EPB41L1: variants seen among roughly 807,000 people sequenced by gnomAD.
EPB41L1 encodes erythrocyte membrane protein band 4.1 like 1.
In EPB41L1, 29 loss-of-function variants were observed where a neutral mutation model predicts 97.8. The ratio of observed to expected loss-of-function variants is 0.30; its 90% CI spans 0.22 to 0.40. EPB41L1 has a LOEUF of 0.40. Among genes scored for constraint, EPB41L1 ranks in the 10% least tolerant of loss-of-function variants. The pLI is 1.00. For synonymous variants in EPB41L1, 383 were observed against 459.2 expected, an observed-to-expected ratio of 0.83 and a Z score of 2.12; for missense variants, 812 against 1,162.3, an observed-to-expected ratio of 0.70 and a Z score of 4.38.
chr20:36,134,314 T>C (rs1168180575), intron 2 of EPB41L1, among the ~76,000 whole-genome samples: 1 of 152,260 alleles, frequency 6.6e-6, no homozygotes, highest in Middle Eastern at 3.2e-3. Flanking sequence ...CCCGAGGTTG[T>C]GTTCTAGCTT....
In EPB41L1 at chr20:36,205,844, C is replaced by CA. The variant is rs976999542; in HGVS notation, c.1669-3643dup. The CA allele has an allele frequency of 7.8e-6, 10 of 1,278,036 alleles. No individual in the cohort carries two copies. In the African/African-American group the frequency reaches 1.4e-4, roughly 18 times the overall value. The allele number at this position is 1,278,036 out of a possible 1,614,324, so 79.2% of individuals were successfully genotyped here. On this transcript the variant is annotated intron_variant, in intron 14 of 21. Transcript: ENST00000338074. ...TTAACTCTTCTTGCTCCAATTGAAA[C>CA]ACAGGGTTCAGAGCATTGGGTATTT...
chr20:36,214,261 C>G (rs898149017), intron 16 of EPB41L1, 96 bp from the exon 17 acceptor site: 12 of 911,654 alleles, frequency 1.3e-5, no homozygotes, highest in Non-Finnish European at 2.1e-5. Context: ...ACTCACACAG[C>G]CTGTCACTTT....
Position 36,187,720 on chromosome 20 carries a change from C to A in EPB41L1, c.830C>A (p.Ala277Asp). 6.2e-7 allele frequency: 1 copy of A among 1,614,064 alleles called. No homozygotes were observed. The highest frequency in any genetic ancestry group is 8.5e-7 in the Non-Finnish European group (1 of 1,179,992). ...GCAGAAATCCACTTCTTAGAGAATGCCAAGAAGCTTTCCATGTACGGAGTA... is the reference window on the plus strand; with the variant it reads ...GCAGAAATCCACTTCTTAGAGAATGACAAGAAGCTTTCCATGTACGGAGTA... The part of the protein sequence containing the change: ...GEAEIHFLEN[A>D]KKLSMYGVDL... The change falls in exon 8 of 22, where the codon GCC becomes GAC. Residue 277 changes from alanine to aspartate, a missense_variant. Coordinates refer to ENST00000338074, the MANE Select transcript of EPB41L1 (RefSeq NM_012156.2).
At chr20:36,107,476 C>A (rs2058230317) in intron 1 of EPB41L1, among the ~76,000 whole-genome samples, 1 of 151,336 alleles carries the variant, frequency 6.6e-6, no homozygotes, top group South Asian at 2.1e-4. Context: ...GCCTTGGCCT[C>A]CCAAAGTGCT....
intron 1 of EPB41L1, among the ~76,000 whole-genome samples, chr20:36,112,220 C>G (rs529389742): frequency 6.6e-6 from 1 of 152,190 alleles, no homozygotes; most frequent in Non-Finnish European, 1.5e-5. Flanking sequence ...CAAGGTCCTT[C>G]GCTGCCTGGC....
intron 2 of EPB41L1, chr20:36,125,384 C>A: frequency 1.4e-6 from 1 of 707,892 alleles, no homozygotes; most frequent in South Asian, 1.5e-5. Flanking sequence ...CTGCTAGGTT[C>A]ATTTGCATTT....
intron 17 of EPB41L1, among the ~76,000 whole-genome samples, chr20:36,216,942 G>C (rs1023498093): frequency 3.3e-5 from 5 of 152,182 alleles, no homozygotes; most frequent in Non-Finnish European, 5.9e-5. Context: ...ACTAGCCAAT[G>C]GTTCTCAAAA....
At chr20:36,150,099 C>T (rs1359231682), upstream of EPB41L1, among the ~76,000 whole-genome samples, 2 of 149,250 alleles carry the variant, frequency 1.3e-5, no homozygotes, top group Non-Finnish European at 3.0e-5. Flanking sequence ...CGGAGTTTCG[C>T]TCTTGTCCCC....
intron 1 of EPB41L1, among the ~76,000 whole-genome samples, chr20:36,095,654 C>A (rs2057804362): frequency 6.6e-6 from 1 of 152,304 alleles, no homozygotes; most frequent in Middle Eastern, 3.4e-3. Context: ...TGGCCATGGT[C>A]CTCACTACTA....
rs2057724224 is a variant in EPB41L1 at position 36,093,446 on chromosome 20, C to G, written c.-65+1834C>G. On this transcript the variant is annotated intron_variant, in intron 1 of 19. Coordinates refer to the EPB41L1 transcript ENST00000202028. This position sits in a 1 kb window ranked among gnomAD's most constrained non-coding sequence, Gnocchi z 5.4. ...GTGCGCGGCTTTGTCTTCGCACTGC[C>G]GGGAGGAAGCGGTGGGGGCGGCGGT... is the stretch of plus-strand genomic sequence containing the variant. 1.3e-5 allele frequency among the ~76,000 whole-genome samples: 2 copies of G among 149,760 alleles called. No homozygotes were observed. Among genetic ancestry groups the G allele is most frequent in the Admixed American group, 6.6e-5 (1 of 15,064 alleles).
chr20:36,102,166 A>G (rs1406598465), intron 1 of EPB41L1, among the ~76,000 whole-genome samples: 2 of 152,078 alleles, frequency 1.3e-5, no homozygotes, highest in Admixed American at 1.3e-4. Context: ...GCCTGCTGTA[A>G]CAGTCTCCCC....
chr20:36,094,696 C>T (rs2057772850), intron 1 of EPB41L1, among the ~76,000 whole-genome samples: 1 of 152,214 alleles, frequency 6.6e-6, no homozygotes, highest in African/African-American at 2.4e-5. Flanking sequence ...AAAATGTTTC[C>T]CTGCCAAAAG....
chr20:36,119,406 C>T (rs149428013), intron 2 of EPB41L1, among the ~76,000 whole-genome samples: 176 of 152,182 alleles, frequency 1.2e-3, no homozygotes, highest in African/African-American at 4.0e-3. Context: ...AGTTTGAGAA[C>T]AGCCTGGCCA....
intron 3 of EPB41L1, 138 bp downstream of exon 3, chr20:36,175,853 C>A: frequency 1.1e-6 from 1 of 875,558 alleles, no homozygotes; most frequent in Non-Finnish European, 1.8e-6. Context: ...GATGACCTGG[C>A]TCGGAGCTCC....
intron 1 of EPB41L1, among the ~76,000 whole-genome samples, chr20:36,108,824 T>C (rs1214156984): frequency 6.6e-6 from 1 of 152,196 alleles, no homozygotes; most frequent in African/African-American, 2.4e-5. Flanking sequence ...GACTAGTTAT[T>C]TGGGGAAGGT....
At chr20:36,227,359 G>T (rs772588580) in intron 21 of EPB41L1, among the ~76,000 whole-genome samples, 1 of 152,106 alleles carries the variant, frequency 6.6e-6, no homozygotes, top group East Asian at 1.9e-4. Flanking sequence ...AGGAATAGAT[G>T]GATACAACTA....
At chr20:36,181,890 GGGTGAC>G (rs1484466649) in intron 5 of EPB41L1, among the ~76,000 whole-genome samples, 1 of 152,196 alleles carries the variant, frequency 6.6e-6, no homozygotes, top group Admixed American at 6.5e-5. Flanking sequence ...CTTCCAAGCA[GGGTGAC>G]CTTGGGCTAA....
At chr20:36,134,567 A>G (rs2059343250) in intron 2 of EPB41L1, among the ~76,000 whole-genome samples, 1 of 152,208 alleles carries the variant, frequency 6.6e-6, no homozygotes, top group South Asian at 2.1e-4. Context: ...TCCCACGAGA[A>G]TAGAGATTGC....
At chr20:36,162,744 C>T (rs1178846749) in intron 1 of EPB41L1, among the ~76,000 whole-genome samples, 1 of 152,220 alleles carries the variant, frequency 6.6e-6, no homozygotes. Flanking sequence ...CTGAGGCTCC[C>T]TAGTGGCCCG....
Sources: allele counts gnomAD v4.1 joint callset (sites outside exome capture counted in the v4.1 genomes callset), GRCh38; gene constraint gnomAD v4.1.1; non-coding constraint Gnocchi (gnomAD v3.1); transcripts MANE v1.5; gene names NCBI Gene and HGNC (gene_info 2026-07-23, HGNC 2026-07-21).